TRIQK: variants seen among roughly 807,000 people sequenced by gnomAD.
The protein encoded by TRIQK is triple QxxK/R motif-containing protein.
A neutral mutation model predicts 10.8 loss-of-function variants in TRIQK; 10 were observed. The ratio of observed to expected loss-of-function variants is 0.92; its 90% confidence interval spans 0.57 to 1.57. The LOEUF is 1.57. Ranked by LOEUF, TRIQK falls within the 40% of genes most tolerant of loss-of-function variation. The pLI is 0.00. For missense variants in TRIQK, 107 were observed against 97.7 expected (o/e 1.09, Z -0.40); for synonymous variants, 33 against 33.7 (o/e 0.98, Z 0.07).
At chr8:92,997,662 A>G (rs1467348724) in intron 1 of TRIQK, among the ~76,000 whole-genome samples, 2 of 152,088 alleles carry the variant, frequency 1.3e-5, no homozygotes, top group Non-Finnish European at 2.9e-5. Flanking sequence ...AGGCACTAGC[A>G]CCTGCACATA....
intron 4 of TRIQK, among the ~76,000 whole-genome samples, chr8:92,889,278 T>A (rs1025219423): frequency 6.6e-6 from 1 of 151,654 alleles, no homozygotes; most frequent in African/African-American, 2.4e-5. Flanking sequence ...TCTCAATCAG[T>A]ACTGTTGATT....
intron 3 of TRIQK, among the ~76,000 whole-genome samples, chr8:92,899,510 TTCTGTACCTGGCTTA>T (rs1175454893): frequency 6.6e-6 from 1 of 152,160 alleles, no homozygotes; most frequent in Non-Finnish European, 1.5e-5. Flanking sequence ...CACTTTTTCT[TTCTGTACCTGGCTTA>T]TTTCACTTGA....
intron 4 of TRIQK, among the ~76,000 whole-genome samples, chr8:92,890,605 T>C (rs889142430): frequency 4.6e-5 from 7 of 151,810 alleles, no homozygotes; most frequent in Non-Finnish European, 1.0e-4. Flanking sequence ...AAAAGATGTG[T>C]GTGTATAAAA....
chr8:92,912,213 T>A (rs1322152197), intron 3 of TRIQK, among the ~76,000 whole-genome samples: 2 of 151,624 alleles, frequency 1.3e-5, no homozygotes, highest in African/African-American at 4.8e-5. Flanking sequence ...AAGACTGAAA[T>A]TACTCCAAGT....
At chr8:92,889,179 A>G (rs1429450013) in intron 4 of TRIQK, among the ~76,000 whole-genome samples, 1 of 151,688 alleles carries the variant, frequency 6.6e-6, no homozygotes, top group Non-Finnish European at 1.5e-5. Context: ...TTAAAACGCT[A>G]TTACTAAACA....
intron 2 of TRIQK, among the ~76,000 whole-genome samples, chr8:92,931,721 C>T (rs1810736796): frequency 6.6e-6 from 1 of 152,080 alleles, no homozygotes; most frequent in African/African-American, 2.4e-5. Context: ...CCATCCAAGC[C>T]AGAACACTTT....
intron 2 of TRIQK, among the ~76,000 whole-genome samples, chr8:92,947,308 C>G (rs541082715): frequency 6.6e-6 from 1 of 151,146 alleles, no homozygotes; most frequent in African/African-American, 2.4e-5. Flanking sequence ...CGTGGCCGGG[C>G]GCGGTGGCTC....
intron 1 of TRIQK, chr8:92,973,399 A>C (rs570292003): frequency 1.3e-5 from 2 of 152,348 alleles, no homozygotes; most frequent in Non-Finnish European, 2.9e-5. Flanking sequence ...GAGCAGCGTT[A>C]AATAGCAAGT....
intron 2 of TRIQK, among the ~76,000 whole-genome samples, chr8:92,953,092 T>A (rs1811993286): frequency 6.6e-6 from 1 of 152,016 alleles, no homozygotes; most frequent in African/African-American, 2.4e-5. Flanking sequence ...TACAACATAG[T>A]CTGATTTAAA....
chr8:92,989,371 G>A (rs999694498), intron 1 of TRIQK, among the ~76,000 whole-genome samples: 1 of 152,174 alleles, frequency 6.6e-6, no homozygotes, highest in African/African-American at 2.4e-5. Flanking sequence ...AGCAGGAGGT[G>A]AGCAATGTGC....
At chr8:92,931,820 A>C (rs1338989224) in intron 2 of TRIQK, among the ~76,000 whole-genome samples, 1 of 152,170 alleles carries the variant, frequency 6.6e-6, no homozygotes, top group East Asian at 1.9e-4. Context: ...TATGAAGCAC[A>C]CAAGGACAGT....
chr8:92,907,172 C>T (rs2130387922), intron 3 of TRIQK, among the ~76,000 whole-genome samples: 1 of 152,250 alleles, frequency 6.6e-6, no homozygotes, highest in East Asian at 1.9e-4. Context: ...TCTCTTTCTA[C>T]CATCATTTCT....
intron 4 of TRIQK, among the ~76,000 whole-genome samples, chr8:92,891,614 G>A (rs1227271521): frequency 6.6e-6 from 1 of 151,842 alleles, no homozygotes; most frequent in Non-Finnish European, 1.5e-5. Flanking sequence ...AATGATCTCA[G>A]TATATATAAT....
intron 2 of TRIQK, among the ~76,000 whole-genome samples, chr8:92,923,289 T>C (rs935296863): frequency 2.7e-4 from 41 of 151,696 alleles, no homozygotes; most frequent in African/African-American, 9.2e-4. Flanking sequence ...CAGCCGCAAT[T>C]TCTAATAAGA....
chr8:93,014,082 A>G (rs1813360898), intron 1 of TRIQK, among the ~76,000 whole-genome samples: 1 of 152,152 alleles, frequency 6.6e-6, no homozygotes, highest in Non-Finnish European at 1.5e-5. Flanking sequence ...AAAATGGTTA[A>G]ACAAAATGTG....
At chr8:92,997,217 G>A (rs1200263308) in intron 1 of TRIQK, among the ~76,000 whole-genome samples, 1 of 151,940 alleles carries the variant, frequency 6.6e-6, no homozygotes, top group East Asian at 1.9e-4. Flanking sequence ...GACAGTGGTG[G>A]GCACCAGGCA....
At position 92,915,729 on chromosome 8, in the gene TRIQK, G is replaced by C. The variant is rs189944167; in HGVS notation, c.61+1200C>G. Among the ~76,000 whole-genome samples the C allele has an allele frequency of 5.7e-4, 85 of 147,980 alleles. 2 individuals carry two copies. The highest frequency in any genetic ancestry group is 4.6e-3 in the Admixed American group (67 of 14,690). ...TTAGCCAGGATGGTCTCGATCTCCT[G>C]ACCTTGTGATCCACCTGCCTCGGCC... On this transcript the variant is annotated intron_variant, in intron 3 of 4. Coordinates refer to ENST00000521988, the MANE Select transcript of TRIQK (RefSeq NM_001171797.2).
At chr8:92,948,133 G>A (rs1811652570) in intron 2 of TRIQK, among the ~76,000 whole-genome samples, 1 of 152,060 alleles carries the variant, frequency 6.6e-6, no homozygotes, top group Admixed American at 6.5e-5. Flanking sequence ...TTGTAGTAAA[G>A]GCACAAAGAT....
intron 1 of TRIQK, among the ~76,000 whole-genome samples, chr8:93,017,148 AGAGAGAG>A (rs1813392475): frequency 8.2e-6 from 1 of 122,528 alleles, no homozygotes; most frequent in Admixed American, 8.7e-5. Context: ...AGAGAGAGAG[AGAGAGAG>A]AGAGAGAGAG....
Sources: allele counts gnomAD v4.1 joint callset (sites outside exome capture counted in the v4.1 genomes callset), GRCh38; gene constraint gnomAD v4.1.1; transcripts MANE v1.5; gene names NCBI Gene and HGNC (gene_info 2026-07-23, HGNC 2026-07-21).